The following RYR3 variants were observed in gnomAD, a reference collection of about 807,000 sequenced individuals.
RYR3 encodes brain ryanodine receptor-calcium release channel.
A neutral mutation model predicts 584.3 loss-of-function variants in RYR3; 207 were observed. The ratio of observed to expected loss-of-function variants is 0.35; its 90% CI spans 0.32 to 0.40. The LOEUF (loss-of-function observed/expected upper bound fraction) is 0.40. Ranked by LOEUF, RYR3 falls within the 10% of genes least tolerant of loss-of-function variation. The pLI is 1.00. For synonymous variants in RYR3, 2,416 were observed against 2,248.5 expected, an observed-to-expected ratio of 1.07 and a Z score of -2.11; for missense variants, 5,616 against 6,089.2, an observed-to-expected ratio of 0.92 and a Z score of 2.59.
chr15:33,417,941 T>C (rs2043936471), intron 1 of RYR3, among the ~76,000 whole-genome samples: 1 of 152,210 alleles, frequency 6.6e-6, no homozygotes, highest in South Asian at 2.1e-4. Context: ...GATGATCATA[T>C]GGTTTTTGTT....
At chr15:33,336,088 A>G (rs1970931343) in intron 1 of RYR3, among the ~76,000 whole-genome samples, 1 of 152,178 alleles carries the variant, frequency 6.6e-6, no homozygotes, top group Admixed American at 6.5e-5. Flanking sequence ...AGTACAGATT[A>G]AAGTTTCTAA....
At chr15:33,616,865 C>T (rs909999908) in intron 19 of RYR3, among the ~76,000 whole-genome samples, 2 of 152,186 alleles carry the variant, frequency 1.3e-5, no homozygotes, top group Non-Finnish European at 2.9e-5. Context: ...TACTGAAATG[C>T]CTCTAGTGCA....
intron 1 of RYR3, among the ~76,000 whole-genome samples, chr15:33,347,022 G>C (rs1972544212): frequency 1.3e-5 from 2 of 152,248 alleles, no homozygotes; most frequent in South Asian, 4.2e-4. Context: ...GGGAGTATGT[G>C]TTTTGGGGAG....
intron 1 of RYR3, among the ~76,000 whole-genome samples, chr15:33,428,713 T>C (rs926459325): frequency 7.7e-6 from 1 of 129,176 alleles, no homozygotes; most frequent in African/African-American, 2.9e-5. Context: ...TCAGACCCAA[T>C]TAAGTTAGAG....
At chr15:33,648,634 G>C (rs1389723855) in intron 30 of RYR3, among the ~76,000 whole-genome samples, 2 of 152,188 alleles carry the variant, frequency 1.3e-5, no homozygotes, top group Non-Finnish European at 2.9e-5. Flanking sequence ...AAAGTGTAAC[G>C]GGGATGCTCT....
At chr15:33,608,687 T>G (rs2060024595) in intron 18 of RYR3, among the ~76,000 whole-genome samples, 1 of 152,252 alleles carries the variant, frequency 6.6e-6, no homozygotes, top group Non-Finnish European at 1.5e-5. Context: ...GTCCCAACTC[T>G]GTTCTCTACT....
intron 74 of RYR3, chr15:33,815,730 C>T (rs2076782484): frequency 2.5e-6 from 1 of 394,140 alleles, no homozygotes; most frequent in Non-Finnish European, 4.5e-6. Context: ...GATCATCTAA[C>T]CGCACAGAAT....
intron 1 of RYR3, among the ~76,000 whole-genome samples, chr15:33,326,156 A>C (rs910543091): frequency 6.6e-6 from 1 of 152,064 alleles, no homozygotes. Flanking sequence ...GTTTTCCCCA[A>C]TGTCTACTGA....
At chr15:33,837,394 G>C (rs528658596) in intron 88 of RYR3, among the ~76,000 whole-genome samples, 31 of 152,228 alleles carry the variant, frequency 2.0e-4, no homozygotes, top group African/African-American at 7.5e-4. Flanking sequence ...CCACTTCCCA[G>C]GCCCCAGGCC....
rs762519563 is a variant in RYR3, at chr15:33,581,594, G to A, written c.1524G>A (p.Glu508=). ...ACTTTGCAGGGATTGCAAGGGAAGA[G>A]AGTGGCATGGCCTGGAAAGAAATTC... ...VAHFAGIARE[E]SGMAWKEILN... is the part of the protein sequence containing the mutation. The change falls in exon 14 of 104, where the codon GAG becomes GAA. Residue 508 remains glutamate (E), a synonymous_variant. Coordinates refer to ENST00000634891, the MANE Select transcript of RYR3 (RefSeq NM_001036.6). 7 of 1,613,666 alleles carry A rather than the reference G, an allele frequency of 4.3e-6. No homozygotes were observed. In the African/African-American group the frequency reaches 9.3e-5, roughly 22 times the overall value.
chr15:33,530,475 A>G, intron 3 of RYR3, 117 bp from the exon 4 acceptor site: 1 of 712,758 alleles, frequency 1.4e-6, no homozygotes, highest in Non-Finnish European at 2.5e-6. Flanking sequence ...TGAATTCCTT[A>G]GGAGCTTTGC....
At chr15:33,622,219 C>T (rs951492592) in intron 19 of RYR3, among the ~76,000 whole-genome samples, 3 of 152,178 alleles carry the variant, frequency 2.0e-5, no homozygotes, top group Non-Finnish European at 1.5e-5. Flanking sequence ...CTTGTCGGGG[C>T]TCATAGACCC....
In RYR3 at chr15:33,342,860, T is replaced by A. The variant is rs1595783509; in HGVS notation, c.51+31764T>A. Among the ~76,000 whole-genome samples the A allele has an allele frequency of 4.6e-5, 7 of 152,138 alleles. No homozygotes were observed. In the South Asian group the frequency reaches 1.5e-3, roughly 32 times the overall value. On this transcript the variant is annotated intron_variant, in intron 1 of 103. Coordinates refer to ENST00000634891, the MANE Select transcript of RYR3 (RefSeq NM_001036.6). ...GCCCAGAAGTTTTATTCGAACTGTGTCCCCTAGATCCTTCCCAGTGTTGGA... is the reference window on the plus strand; with the variant it reads ...GCCCAGAAGTTTTATTCGAACTGTGACCCCTAGATCCTTCCCAGTGTTGGA...
chr15:33,769,322 C>T, intron 62 of RYR3, 150 bp downstream of exon 62: 3 of 665,990 alleles, frequency 4.5e-6, no homozygotes, highest in Non-Finnish European at 5.4e-6. Context: ...AGTTAGCACT[C>T]TCTTTTTCTC....
intron 1 of RYR3, among the ~76,000 whole-genome samples, chr15:33,392,043 C>T (rs1295242789): frequency 6.6e-6 from 1 of 152,006 alleles, no homozygotes; most frequent in Non-Finnish European, 1.5e-5. Flanking sequence ...TTTTATTCTG[C>T]ACTTTGTTTT....
In RYR3 at chr15:33,649,208, G is replaced by A. The variant is rs1017601691; in HGVS notation, c.4115G>A (p.Gly1372Glu). Residue 1372 changes from glycine (G) to glutamate (E), a missense_variant, in exon 31 of 104, where the codon GGG (glycine) becomes GAG (glutamate). Gly to Glu is a moderately conservative substitution (Grantham distance 98). Around this residue, in one of 9 missense-constraint regions of RYR3, gnomAD observed 753 missense variants for 741.0 expected, o/e 1.02. Transcript: ENST00000634891. ...AACTGCACAGTGACTGTCACCCTAGGGGATGAAAGAGGCCGGGTCCATGAA... is the reference window on the plus strand; with the variant it reads ...AACTGCACAGTGACTGTCACCCTAGAGGATGAAAGAGGCCGGGTCCATGAA... ...NKNCTVTVTL[G>E]DERGRVHESV... The A allele has an allele frequency of 1.2e-6, 2 of 1,613,264 alleles. No individual in the cohort carries two copies. The highest frequency in any genetic ancestry group is 1.7e-6 in the Non-Finnish European group (2 of 1,179,806).
At chr15:33,432,296 C>CACATTT (rs1213987768) in intron 1 of RYR3, among the ~76,000 whole-genome samples, 1 of 152,104 alleles carries the variant, frequency 6.6e-6, no homozygotes, top group Non-Finnish European at 1.5e-5. Context: ...AAAGGAAGAA[C>CACATTT]AGTGTGGTAT....
intron 1 of RYR3, among the ~76,000 whole-genome samples, chr15:33,399,777 A>G (rs999554466): frequency 2.6e-5 from 4 of 152,320 alleles, no homozygotes; most frequent in East Asian, 1.9e-4. Flanking sequence ...AGATAGATCT[A>G]TATCTATAGT....
chr15:33,759,873 G>A (rs903051954), intron 60 of RYR3, among the ~76,000 whole-genome samples: 2 of 152,168 alleles, frequency 1.3e-5, no homozygotes, highest in African/African-American at 4.8e-5. Flanking sequence ...AGGAAAAAAT[G>A]TTAAGGGCAG....
Sources: allele counts gnomAD v4.1 joint callset (sites outside exome capture counted in the v4.1 genomes callset), GRCh38; gene constraint gnomAD v4.1.1; regional missense constraint gnomAD v4.1.1; transcripts MANE v1.5; gene names NCBI Gene and HGNC (gene_info 2026-07-23, HGNC 2026-07-21).